PRRC2B: variants seen among roughly 807,000 people sequenced by gnomAD.
PRRC2B encodes protein PRRC2B.
PRRC2B carries 68 observed loss-of-function variants against 242.3 expected under a neutral mutation model. The observed-to-expected ratio is 0.28, with a 90% CI of 0.23 to 0.34. The LOEUF is 0.34. Among genes scored for constraint, PRRC2B ranks in the 10% least tolerant of loss-of-function variants. The probability of loss-of-function intolerance (pLI) is 1.00; values close to 1 mark genes in which losing one functional copy is unlikely to be tolerated. For synonymous variants in PRRC2B, 1,228 were observed against 1,173.6 expected (o/e 1.05, Z -0.95); for missense variants, 2,835 against 2,954.8 (o/e 0.96, Z 0.94).
At position 131,494,880 on chromosome 9, in the gene PRRC2B, T is replaced by G. The variant is rs1009382544; in HGVS notation, c.6555+394T>G. Among the ~76,000 whole-genome samples, 2 of 152,150 alleles carry G rather than the reference T, an allele frequency of 1.3e-5. No homozygotes were observed. Among genetic ancestry groups the G allele is most frequent in the African/African-American group, 2.4e-5 (1 of 41,434 alleles). On this transcript the variant is annotated intron_variant, in intron 31 of 31. Transcript: ENST00000683519. This position sits in a 1 kb window ranked among gnomAD's most constrained non-coding sequence, Gnocchi z 4.3. ...GTGTCTCATCTTTGTCTTGGCTGGGTGGGAGCACAGGTGAAATTAAGTTTT... is the reference window on the plus strand; with the variant it reads ...GTGTCTCATCTTTGTCTTGGCTGGGGGGGAGCACAGGTGAAATTAAGTTTT...
At chr9:131,429,236 C>T (rs1221787396) in intron 1 of PRRC2B, among the ~76,000 whole-genome samples, 1 of 152,172 alleles carries the variant, frequency 6.6e-6, no homozygotes, top group Non-Finnish European at 1.5e-5. Context: ...CGTGAACCAC[C>T]ACGCCCAGCC....
intron 22 of PRRC2B, 105 bp downstream of exon 22, chr9:131,483,012 A>T: frequency 7.5e-7 from 1 of 1,331,774 alleles, no homozygotes; most frequent in Non-Finnish European, 1.0e-6. Flanking sequence ...GAATAGAAGG[A>T]TGGGAGCCAA....
At chr9:131,409,615 G>A (rs1837454666) in intron 1 of PRRC2B, among the ~76,000 whole-genome samples, 1 of 152,208 alleles carries the variant, frequency 6.6e-6, no homozygotes, top group Non-Finnish European at 1.5e-5. Context: ...CTGGGCTGGG[G>A]CAGCTGCTGT....
chr9:131,416,106 T>G (rs1837640841), intron 1 of PRRC2B, among the ~76,000 whole-genome samples: 1 of 150,218 alleles, frequency 6.7e-6, no homozygotes, highest in South Asian at 2.1e-4. Flanking sequence ...CTTCGTTTTC[T>G]TTTCTTTCTT....
chr9:131,491,235 G>A (rs73555517), intron 28 of PRRC2B, 190 bp from the exon 29 acceptor site: 177 of 551,610 alleles, frequency 3.2e-4, no homozygotes, highest in African/African-American at 2.9e-3. Flanking sequence ...CTCTGCCATC[G>A]AAGGTGTGAA....
Position 131,464,816 on chromosome 9 carries a change from C to T in PRRC2B, c.1458C>T (p.Asp486=), listed in dbSNP as rs199536912. 2.2e-5 allele frequency: 35 copies of T among 1,612,894 alleles called. No homozygotes were observed. Among genetic ancestry groups the T allele is most frequent in the East Asian group, 6.7e-5 (3 of 44,866 alleles). Residue 486 remains aspartate (D), a synonymous_variant, in exon 12 of 32, where the codon GAC becomes GAT. Coordinates refer to ENST00000683519, the MANE Select transcript of PRRC2B (RefSeq NM_013318.4). ...FRQQSIEDKE[D]KPPPRQKFIQ... ...AACAGTCCATCGAGGACAAGGAGGACAAGCCCCCACCAAGGCAGAAGTTCA... is the reference window on the plus strand; with the variant it reads ...AACAGTCCATCGAGGACAAGGAGGATAAGCCCCCACCAAGGCAGAAGTTCA...
chr9:131,481,728 C>G lies in PRRC2B; in HGVS notation c.4903C>G (p.Leu1635Val), dbSNP rs1216922074. The change falls in exon 20 of 32, where the codon CTC becomes GTC. Residue 1635 changes from leucine to valine, a missense_variant and splice_region_variant. Transcript: ENST00000683519. ...TEIWESSSQALPVQAPANDSW... is the reference protein window; with the variant it reads ...TEIWESSSQAVPVQAPANDSW... ...ACTCTGTCTTCCTCCCCTGGCAGCT[C>G]TCCCTGTGCAGGCCCCAGCCAACGA... 6.4e-7 allele frequency: 1 copy of G among 1,560,740 alleles called. No individual in the cohort carries two copies. Among genetic ancestry groups the G allele is most frequent in the African/African-American group, 1.4e-5 (1 of 73,356 alleles).
At position 131,475,258 on chromosome 9, in the gene PRRC2B, C is replaced by G. The variant is rs774369066; in HGVS notation, c.3129C>G (p.Pro1043=). 5.0e-6 allele frequency: 8 copies of G among 1,613,278 alleles called. 1 individual carries two copies. Among genetic ancestry groups the G allele is most frequent in the East Asian group, 2.2e-5 (1 of 44,890 alleles). The part of the protein sequence containing the change: ...RPPRESSDVP[P]MKRNNWIFID... ...CACGAGAGTCCAGCGATGTTCCCCC[C>G]ATGAAGAGAAATAACTGGATCTTTA... The change falls in exon 16 of 32, where the codon CCC becomes CCG. Residue 1043 remains proline, a synonymous_variant. Coordinates refer to ENST00000683519, the MANE Select transcript of PRRC2B (RefSeq NM_013318.4).
At chr9:131,427,159 G>T (rs1837998577) in intron 1 of PRRC2B, among the ~76,000 whole-genome samples, 1 of 152,232 alleles carries the variant, frequency 6.6e-6, no homozygotes, top group Non-Finnish European at 1.5e-5. Context: ...CTCAGTGATT[G>T]GCAGATCTTA....
chr9:131,489,937 C>G (rs1047473999), intron 28 of PRRC2B, among the ~76,000 whole-genome samples: 1 of 152,064 alleles, frequency 6.6e-6, no homozygotes, highest in Non-Finnish European at 1.5e-5. Context: ...CCTCAGTCTC[C>G]TTTGCTGTCC....
chr9:131,385,839 G>A (rs1029379519), intron 1 of PRRC2B, among the ~76,000 whole-genome samples: 4 of 149,790 alleles, frequency 2.7e-5, no homozygotes, highest in African/African-American at 7.3e-5. Context: ...GACTACAGGC[G>A]CCCACCACCA....
intron 1 of PRRC2B, among the ~76,000 whole-genome samples, chr9:131,425,668 A>G (rs1837957360): frequency 6.7e-6 from 1 of 149,952 alleles, no homozygotes. Context: ...TTTTTGTATT[A>G]TTAGTAGAGA....
At chr9:131,478,012 C>A in intron 17 of PRRC2B, 63 bp downstream of exon 17, 1 of 1,476,044 alleles carries the variant, frequency 6.8e-7, no homozygotes, top group Non-Finnish European at 9.4e-7. Flanking sequence ...ATGCAGTCCT[C>A]GGGCCTCCCG....
rs749443020 is a variant in PRRC2B at position 131,492,165 on chromosome 9, C to G, written c.6382-4C>G. ...GACAGCTTGTTCCTGCTTGGTCTCT[C>G]TAGCCCTCTCAGATGGAGATGAAAG... is the stretch of plus-strand genomic sequence containing the variant. On this transcript the variant is annotated splice_polypyrimidine_tract_variant and splice_region_variant and intron_variant, in intron 29 of 31. Coordinates refer to ENST00000683519, the MANE Select transcript of PRRC2B (RefSeq NM_013318.4). The G allele has an allele frequency of 5.0e-6, 8 of 1,612,848 alleles. No homozygotes were observed. Among genetic ancestry groups the G allele is most frequent in the Non-Finnish European group, 5.9e-6 (7 of 1,178,944 alleles).
intron 5 of PRRC2B, among the ~76,000 whole-genome samples, chr9:131,441,536 T>TA (rs1314682206): frequency 2.0e-5 from 3 of 152,000 alleles, no homozygotes; most frequent in Non-Finnish European, 4.4e-5. Context: ...ACACAAAATT[T>TA]AAAAAAACAA....
intron 2 of PRRC2B, among the ~76,000 whole-genome samples, chr9:131,431,132 T>C (rs2131325214): frequency 6.6e-6 from 1 of 151,520 alleles, no homozygotes; most frequent in South Asian, 2.1e-4. Context: ...GCTTTTTGTT[T>C]TTTGTTTTTC....
Position 131,475,681 on chromosome 9 carries a change from C to T in PRRC2B, c.3552C>T (p.Cys1184=), listed in dbSNP as rs750192495. The stretch of plus-strand genomic sequence containing the variant: ...ATTCTTGGCGGTCCAACAAGGGGTG[C>T]TCTGAGGACCACAGCGGTCTAGATG... ...CRDSWRSNKG[C]SEDHSGLDAK... The change falls in exon 16 of 32, where the codon TGC becomes TGT. Residue 1184 remains cysteine (C), a synonymous_variant. Transcript: ENST00000683519. 48 of 1,612,332 alleles carry T rather than the reference C, an allele frequency of 3.0e-5. No homozygotes were observed. The highest frequency in any genetic ancestry group is 4.0e-5 in the Non-Finnish European group (47 of 1,179,392).
chr9:131,393,342 G>C (rs1385164841), upstream of PRRC2B, among the ~76,000 whole-genome samples: 1 of 152,038 alleles, frequency 6.6e-6, no homozygotes, highest in Non-Finnish European at 1.5e-5. Flanking sequence ...TGCTTTTATA[G>C]TTGGTTAGGT....
intron 1 of PRRC2B, among the ~76,000 whole-genome samples, chr9:131,381,407 A>C (rs1251047236): frequency 6.9e-6 from 1 of 144,446 alleles, no homozygotes; most frequent in African/African-American, 2.5e-5. Context: ...AGAGTTTCCA[A>C]GTTCTGGTTC....
Sources: gnomAD v4.1 joint callset for allele counts (sites outside exome capture counted in the v4.1 genomes callset) on GRCh38, gnomAD v4.1.1 for gene constraint, Gnocchi (gnomAD v3.1) non-coding constraint, MANE v1.5 for transcripts, NCBI Gene and HGNC (gene_info 2026-07-23, HGNC 2026-07-21) for gene names.